The following ADK variants were observed in gnomAD, a reference collection of about 807,000 sequenced individuals.
The protein encoded by ADK is adenosine kinase, also known as N6,N6-dimethyladenosine kinase.
In ADK, 24 loss-of-function variants were observed where a neutral mutation model predicts 44.7. The ratio of observed to expected loss-of-function variants is 0.54; its 90% confidence interval spans 0.39 to 0.76. The LOEUF (loss-of-function observed/expected upper bound fraction) is 0.76, where lower values mean the gene tolerates loss of function less well. Among genes scored for constraint, ADK ranks in the 30% least tolerant of loss-of-function variants. ADK has a pLI of 0.00. For synonymous variants in ADK, 128 were observed against 142.6 expected (o/e 0.90, Z 0.73); for missense variants, 321 against 425.1 (o/e 0.76, Z 2.15).
chr10:74,597,294 G>A (rs1210879599), intron 8 of ADK, among the ~76,000 whole-genome samples: 1 of 152,058 alleles, frequency 6.6e-6, no homozygotes, highest in Non-Finnish European at 1.5e-5. Context: ...TACAAAAATA[G>A]TACAGAATTC....
chr10:74,480,004 A>G (rs1847006196), intron 6 of ADK, among the ~76,000 whole-genome samples: 1 of 152,092 alleles, frequency 6.6e-6, no homozygotes, highest in Admixed American at 6.5e-5. Flanking sequence ...TCATGCTTGG[A>G]TGAAGCTTAT....
intron 2 of ADK, among the ~76,000 whole-genome samples, chr10:74,219,555 A>G (rs1428477511): frequency 6.6e-6 from 1 of 152,246 alleles, no homozygotes; most frequent in African/African-American, 2.4e-5. Context: ...CCGCAAATCA[A>G]TAGAATATAC....
intron 6 of ADK, among the ~76,000 whole-genome samples, chr10:74,517,408 G>T (rs1848629150): frequency 6.6e-6 from 1 of 152,008 alleles, no homozygotes; most frequent in Non-Finnish European, 1.5e-5. Context: ...ATTAAAATGA[G>T]CTGGGTGTGG....
chr10:74,584,492 G>A (rs941416603), intron 7 of ADK, among the ~76,000 whole-genome samples: 1 of 152,052 alleles, frequency 6.6e-6, no homozygotes, highest in African/African-American at 2.4e-5. Flanking sequence ...CCAGTACTAT[G>A]TTGCACTTAA....
chr10:74,409,122 A>G (rs947349761), intron 6 of ADK, among the ~76,000 whole-genome samples: 1 of 152,104 alleles, frequency 6.6e-6, no homozygotes, highest in Non-Finnish European at 1.5e-5. Context: ...TAGTTTTGTA[A>G]TTTTTTGTAA....
intron 7 of ADK, among the ~76,000 whole-genome samples, chr10:74,543,615 G>C (rs1260071362): frequency 2.0e-5 from 3 of 152,180 alleles, no homozygotes; most frequent in Non-Finnish European, 4.4e-5. Flanking sequence ...AAAATAATTA[G>C]AAATGTTTTC....
intron 2 of ADK, among the ~76,000 whole-genome samples, chr10:74,217,198 C>T (rs1261005590): frequency 2.0e-5 from 3 of 152,214 alleles, no homozygotes; most frequent in Non-Finnish European, 2.9e-5. Flanking sequence ...GCTTAAAAAA[C>T]GGCACACCAG....
At chr10:74,432,282 A>G (rs1215511962) in intron 6 of ADK, among the ~76,000 whole-genome samples, 1 of 152,148 alleles carries the variant, frequency 6.6e-6, no homozygotes. Flanking sequence ...CCTTTTGTAG[A>G]TTTGTTAATA....
At chr10:74,458,202 G>A (rs576138724) in intron 6 of ADK, among the ~76,000 whole-genome samples, 170 of 125,102 alleles carry the variant, frequency 1.4e-3, no homozygotes, top group African/African-American at 5.2e-3. Flanking sequence ...TATGATCACC[G>A]CTCACTGTGG....
At chr10:74,439,190 G>C (rs1845304727) in intron 6 of ADK, among the ~76,000 whole-genome samples, 2 of 152,214 alleles carry the variant, frequency 1.3e-5, no homozygotes, top group Admixed American at 1.3e-4. Context: ...TCTGATATAT[G>C]ACCAGAACCC....
At chr10:74,391,917 C>T (rs1843349688) in intron 4 of ADK, among the ~76,000 whole-genome samples, 3 of 152,258 alleles carry the variant, frequency 2.0e-5, no homozygotes, top group African/African-American at 7.2e-5. Flanking sequence ...ATTTTGACTA[C>T]TTCAGATACT....
chr10:74,703,089 G>T (rs1441697234), intron 10 of ADK, among the ~76,000 whole-genome samples: 1 of 152,150 alleles, frequency 6.6e-6, no homozygotes, highest in East Asian at 1.9e-4. Context: ...GTGTGTAGTA[G>T]TCTGCCTGGG....
chr10:74,235,693 C>T (rs1305455332), intron 3 of ADK, among the ~76,000 whole-genome samples: 1 of 152,172 alleles, frequency 6.6e-6, no homozygotes, highest in Non-Finnish European at 1.5e-5. Flanking sequence ...AGTGAGCTTA[C>T]TTATTTTACC....
chr10:74,616,387 T>TCA (rs1554888475), intron 9 of ADK, among the ~76,000 whole-genome samples: 1 of 151,452 alleles, frequency 6.6e-6, no homozygotes, highest in Non-Finnish European at 1.5e-5. Flanking sequence ...TAAGATTAAT[T>TCA]TATATATATA....
chr10:74,274,266 A>G (rs1200331882), intron 3 of ADK, among the ~76,000 whole-genome samples: 1 of 152,096 alleles, frequency 6.6e-6, no homozygotes, highest in Non-Finnish European at 1.5e-5. Flanking sequence ...ACAAAGTGTT[A>G]TTAAGAAAAT....
At chr10:74,157,480 T>TA (rs141970377) in intron 1 of ADK, among the ~76,000 whole-genome samples, 3,351 of 147,808 alleles carry the variant, frequency 0.023, 49 homozygotes, top group Non-Finnish European at 0.027. Context: ...TTATTGAAAT[T>TA]AAAAAAAAAA....
In ADK at chr10:74,329,106, CAAAAA is replaced by C. The variant is rs138730631; in HGVS notation, c.273+14381_273+14385del. ...AATAAAATCTAATCTTCTGTGCAGGCAAAAAAAAAAAAAAAAAAAAAAAAGAAATT... is the reference window on the plus strand; with the variant it reads ...AATAAAATCTAATCTTCTGTGCAGGCAAAAAAAAAAAAAAAAAAAGAAATT... On this transcript the variant is annotated intron_variant, in intron 4 of 10. Transcript: ENST00000539909. 5.9e-3 allele frequency among the ~76,000 whole-genome samples: 483 copies of C among 82,150 alleles called. 3 individuals carry two copies. The highest frequency in any genetic ancestry group is 0.014 in the African/African-American group (289 of 20,230). The allele number at this position is 82,150 out of a possible 152,430, so 53.9% of individuals were successfully genotyped here. A position where few individuals can be genotyped will look rare whatever the true frequency, so the allele number is the denominator to read the frequency against.
chr10:74,271,606 C>A (rs1473710984), intron 3 of ADK, among the ~76,000 whole-genome samples: 1 of 76,840 alleles, frequency 1.3e-5, no homozygotes, highest in Non-Finnish European at 2.5e-5. Flanking sequence ...TGTTCCCCTT[C>A]CTGTGTCCAT....
rs560021502 is a variant in ADK, at chr10:74,601,710, A to T, written c.877+1217A>T. Among the ~76,000 whole-genome samples, 1,110 of 151,476 alleles carry T rather than the reference A, an allele frequency of 7.3e-3. 10 individuals are homozygous for T. Among genetic ancestry groups the T allele is most frequent in the Admixed American group, 8.9e-3 (135 of 15,218 alleles). On this transcript the variant is annotated intron_variant, in intron 9 of 10. Transcript: ENST00000539909. ...AAAAGAAAGAAAAGTTTTTTTTTTT[A>T]AATTTCAAACAAGATTCAGAGATGT...
Sources: gnomAD v4.1 joint callset for allele counts (sites outside exome capture counted in the v4.1 genomes callset) on GRCh38, gnomAD v4.1.1 for gene constraint, MANE v1.5 for transcripts, NCBI Gene and HGNC (gene_info 2026-07-23, HGNC 2026-07-21) for gene names.